The following IGSF9B variants were observed in gnomAD, a reference collection of about 807,000 sequenced individuals.
IGSF9B encodes the protein protein turtle homolog B.
Under a neutral mutation model 143.7 loss-of-function variants are expected in IGSF9B, and 48 were observed. That is an observed-to-expected ratio of 0.33 (90% CI 0.26 to 0.42). IGSF9B has a LOEUF of 0.42. Among genes scored for constraint, IGSF9B ranks in the 20% least tolerant of loss-of-function variants. IGSF9B has a pLI of 1.00. For synonymous variants in IGSF9B, 903 were observed against 833.1 expected, an observed-to-expected ratio of 1.08 and a Z score of -1.44; for missense variants, 1,706 against 1,980.0, an observed-to-expected ratio of 0.86 and a Z score of 2.63.
rs1021328365 is a variant in IGSF9B at position 133,931,603 on chromosome 11, C to T, written c.1252-34G>A. The T allele has an allele frequency of 1.1e-5, 18 of 1,609,378 alleles. No homozygotes were observed. Among genetic ancestry groups the T allele is most frequent in the South Asian group, 5.5e-5 (5 of 90,826 alleles). On this transcript the variant is annotated intron_variant, in intron 9 of 19. Transcript: ENST00000533871. The surrounding 1 kb of genome is among the most constrained non-coding windows in gnomAD (Gnocchi z 7.7). ...GAAAGCACAGGCACCCTCGTGAGGCCGGGGATCCAGGTGCCCAGCTCATGG... is the reference window on the plus strand; with the variant it reads ...GAAAGCACAGGCACCCTCGTGAGGCTGGGGATCCAGGTGCCCAGCTCATGG...
intron 18 of IGSF9B, among the ~76,000 whole-genome samples, chr11:133,915,268 CTTTT>C (rs33964936): frequency 3.5e-5 from 3 of 86,702 alleles, no homozygotes; most frequent in Admixed American, 1.3e-4. Context: ...CTCTCTCTCT[CTTTT>C]TTTTTTTTTT....
In IGSF9B at chr11:133,937,967, AAGG is replaced by A; in HGVS notation, c.410-9_410-7del. 1 of 1,612,986 alleles carries A rather than the reference AAGG, an allele frequency of 6.2e-7. No homozygotes were observed. The highest frequency in any genetic ancestry group is 1.1e-5 in the South Asian group (1 of 90,816). ...TTCTGTAAAGGTGGGAGGGGCTGCA[AAGG>A]AGACCACAAAGATGAAGGACACGCC... On this transcript the variant is annotated splice_polypyrimidine_tract_variant and splice_region_variant and intron_variant, in intron 3 of 19. Coordinates refer to ENST00000533871, the MANE Select transcript of IGSF9B (RefSeq NM_001277285.4).
At position 133,926,901 on chromosome 11, in the gene IGSF9B, A is replaced by G. The variant is rs907172034; in HGVS notation, c.1807+15T>C. On this transcript the variant is annotated intron_variant, in intron 13 of 19. Coordinates refer to ENST00000533871, the MANE Select transcript of IGSF9B (RefSeq NM_001277285.4). ...CTACAACCCCCGCTCCCAACATCCC[A>G]CCCCGGGCCCTCACCTAAAGTGTTC... 31 of 1,556,460 alleles carry G rather than the reference A, an allele frequency of 2.0e-5. No homozygotes were observed. The highest frequency in any genetic ancestry group is 2.0e-5 in the Non-Finnish European group (23 of 1,145,274).
intron 3 of IGSF9B, among the ~76,000 whole-genome samples, chr11:133,941,705 T>C (rs911907574): frequency 6.6e-6 from 1 of 152,190 alleles, no homozygotes; most frequent in Admixed American, 6.5e-5. Flanking sequence ...CTGGAGCAGA[T>C]GGTGCACCAT....
intron 18 of IGSF9B, among the ~76,000 whole-genome samples, chr11:133,918,014 G>A (rs1031122817): frequency 6.8e-6 from 1 of 147,720 alleles, no homozygotes; most frequent in Admixed American, 6.7e-5. Context: ...GAGGAGAGCC[G>A]CAGGGGGCTC....
At chr11:133,912,551 A>G (rs1283017148) in intron 18 of IGSF9B, among the ~76,000 whole-genome samples, 1 of 152,206 alleles carries the variant, frequency 6.6e-6, no homozygotes, top group Non-Finnish European at 1.5e-5. Flanking sequence ...TGCAGCTGCA[A>G]GATTCCCGCA....
At chr11:133,923,384 C>T (rs1449167354) in intron 15 of IGSF9B, among the ~76,000 whole-genome samples, 3 of 152,194 alleles carry the variant, frequency 2.0e-5, no homozygotes, top group Non-Finnish European at 4.4e-5. Flanking sequence ...ATCTCAGGTA[C>T]GGAAGTACCC....
In IGSF9B at chr11:133,932,117, G is replaced by T; in HGVS notation, c.1064C>A (p.Thr355Asn). 6.2e-7 allele frequency: 1 copy of T among 1,613,778 alleles called. No homozygotes were observed. The highest frequency in any genetic ancestry group is 8.5e-7 in the Non-Finnish European group (1 of 1,179,818). The change falls in exon 8 of 20, where the codon ACC becomes AAC. Residue 355 changes from threonine (T) to asparagine (N), a missense_variant. Physicochemically the swap from Thr to Asn is moderately conservative, Grantham distance 65. This residue lies in a region of IGSF9B where 238 missense variants were observed against 452.6 expected (regional missense o/e 0.53). Transcript: ENST00000533871. Reference protein sequence around the residue: ...RCPVDAEPPATVVKWNKDGRP... With the variant: ...RCPVDAEPPANVVKWNKDGRP... ...GCCGTCCTTGTTCCACTTGACCACG[G>T]TGGCCGGTGGTTCTGCGTCCACAGG...
At chr11:133,917,660 T>C (rs1178105644) in intron 18 of IGSF9B, among the ~76,000 whole-genome samples, 1 of 152,074 alleles carries the variant, frequency 6.6e-6, no homozygotes, top group Non-Finnish European at 1.5e-5. Flanking sequence ...CCCATAGGAC[T>C]GCAGGGACCT....
In IGSF9B at chr11:133,898,820, C is replaced by CTT. The variant is rs1939066018; in HGVS notation, c.*10248_*10249insAA. 2.0e-5 allele frequency: 3 copies of CTT among 152,292 alleles called. No homozygotes were observed. Among genetic ancestry groups the CTT allele is most frequent in the African/African-American group, 7.2e-5 (3 of 41,456 alleles). The allele number at this position is 152,292 out of a possible 1,614,324, so 9.4% of individuals were successfully genotyped here. On this transcript the variant is annotated 3_prime_UTR_variant, in exon 20 of 20. Transcript: ENST00000533871. Reference sequence around the variant, plus strand: ...CCACCCTCCAATGCCACAGGCAACCCCCTGTGGACAGGAAGTGTGTGTGCA... The same window carrying CTT: ...CCACCCTCCAATGCCACAGGCAACCCTTCCTGTGGACAGGAAGTGTGTGTGCA...
intron 17 of IGSF9B, among the ~76,000 whole-genome samples, chr11:133,921,690 G>A (rs974630954): frequency 6.6e-6 from 1 of 151,750 alleles, no homozygotes; most frequent in African/African-American, 2.4e-5. Flanking sequence ...GGTGTGAGCC[G>A]CCGCGCCCGG....
At chr11:133,954,454 G>C (rs572018459) in intron 1 of IGSF9B, among the ~76,000 whole-genome samples, 31 of 152,206 alleles carry the variant, frequency 2.0e-4, no homozygotes, top group African/African-American at 7.2e-4. Context: ...CACATTCTCA[G>C]CTCCTAGTGC....
chr11:133,914,691 C>T (rs1032399044), intron 18 of IGSF9B, among the ~76,000 whole-genome samples: 10 of 152,170 alleles, frequency 6.6e-5, no homozygotes, highest in African/African-American at 2.4e-4. Flanking sequence ...ACACCAAGAC[C>T]CTCACCCAAT....
Position 133,902,481 on chromosome 11 carries a change from A to AGAT in IGSF9B, c.*6587_*6588insATC, listed in dbSNP as rs1565409975. On this transcript the variant is annotated 3_prime_UTR_variant, in exon 20 of 20. Transcript: ENST00000533871. ...ACACACAGATACACACACCACACAC[A>AGAT]ACACACACACACACCAGACATGCAC... is the stretch of plus-strand genomic sequence containing the variant. 4.6e-5 allele frequency among the ~76,000 whole-genome samples: 3 copies of AGAT among 65,468 alleles called. No individual in the cohort carries two copies. The highest frequency in any genetic ancestry group is 8.3e-5 in the Non-Finnish European group (2 of 24,088). The allele number at this position is 65,468 out of a possible 152,430, so 42.9% of individuals were successfully genotyped here. A position where few individuals can be genotyped will look rare whatever the true frequency, so the allele number is the denominator to read the frequency against.
rs761431935 is a variant in IGSF9B at position 133,920,630 on chromosome 11, G to A, written c.3095C>T (p.Thr1032Ile). ...NSTLPLTQTPTGGRSPEPWGR... is the reference protein window; with the variant it reads ...NSTLPLTQTPIGGRSPEPWGR... ...CCAGGGCTCAGGGGAGCGCCCTCCT[G>A]TAGGTGTCTGAGTCAAGGGCAGCGT... Residue 1032 changes from threonine (T) to isoleucine (I), a missense_variant, in exon 18 of 20, where the codon ACA becomes ATA. By Grantham distance (89) the Thr-to-Ile change is moderately conservative (BLOSUM62 -1). Around this residue, in one of 7 missense-constraint regions of IGSF9B, gnomAD observed 880 missense variants for 762.9 expected, o/e 1.15. Coordinates refer to ENST00000533871, the MANE Select transcript of IGSF9B (RefSeq NM_001277285.4). The A allele has an allele frequency of 8.4e-5, 135 of 1,613,524 alleles. No individual in the cohort carries two copies. The East Asian group carries it at 2.7e-3, about 32-fold the overall frequency.
Position 133,921,122 on chromosome 11 carries a change from G to C in IGSF9B, c.2603C>G (p.Ser868Trp). 6.2e-7 allele frequency: 1 copy of C among 1,613,730 alleles called. No individual in the cohort carries two copies. Among genetic ancestry groups the C allele is most frequent in the South Asian group, 1.1e-5 (1 of 91,088 alleles). Residue 868 changes from serine to tryptophan, a missense_variant, in exon 18 of 20, where the codon TCG becomes TGG. Ser to Trp is a radical substitution (Grantham distance 177, BLOSUM62 -3). Around this residue, in one of 7 missense-constraint regions of IGSF9B, gnomAD observed 880 missense variants for 762.9 expected, o/e 1.15. Transcript: ENST00000533871. The stretch of plus-strand genomic sequence containing the variant: ...GCCCTCGATGCGCCTGCTCTTCAGC[G>C]AGGGCTCCATCTCGGCAGGGTCCAT... Reference protein sequence around the residue: ...FVMDPAEMEPSLKSRRIEGFP... With the variant: ...FVMDPAEMEPWLKSRRIEGFP...
chr11:133,934,365 G>A (rs1264480873), intron 7 of IGSF9B, among the ~76,000 whole-genome samples: 1 of 152,214 alleles, frequency 6.6e-6, no homozygotes, highest in Non-Finnish European at 1.5e-5. Flanking sequence ...CTTTGTGGTG[G>A]ACGGGTCTCT....
In IGSF9B at chr11:133,920,258, C is replaced by T. The variant is rs760958123; in HGVS notation, c.3467G>A (p.Gly1156Glu). The T allele has an allele frequency of 6.6e-7, 1 of 1,518,622 alleles. No individual in the cohort carries two copies. Among genetic ancestry groups the T allele is most frequent in the East Asian group, 2.3e-5 (1 of 43,826 alleles). 94.1% of individuals were successfully genotyped at this position (1,518,622 alleles called of 1,614,324 possible). Residue 1156 changes from glycine (G) to glutamate (E), a missense_variant, in exon 18 of 20, where the codon GGG (glycine) becomes GAG (glutamate). This residue lies in a region of IGSF9B where 880 missense variants were observed against 762.9 expected (regional missense o/e 1.15). Coordinates refer to ENST00000533871, the MANE Select transcript of IGSF9B (RefSeq NM_001277285.4). ...AAATGTGCTGGGGCCGCCGTGCGCCCCCGGCTCAGCCGGCTCGGGGTAAGG... is the reference window on the plus strand; with the variant it reads ...AAATGTGCTGGGGCCGCCGTGCGCCTCCGGCTCAGCCGGCTCGGGGTAAGG... ...VLPYPEPAEP[G>E]AHGGPSTFGL...
intron 5 of IGSF9B, among the ~76,000 whole-genome samples, chr11:133,936,769 C>G (rs1293055254): frequency 6.6e-6 from 1 of 152,228 alleles, no homozygotes; most frequent in African/African-American, 2.4e-5. Flanking sequence ...CCACAACCCC[C>G]GAGTTCCTCC....
Sources: allele counts gnomAD v4.1 joint callset (sites outside exome capture counted in the v4.1 genomes callset), GRCh38; gene constraint gnomAD v4.1.1; regional missense constraint gnomAD v4.1.1; non-coding constraint Gnocchi (gnomAD v3.1); transcripts MANE v1.5; gene names NCBI Gene and HGNC (gene_info 2026-07-23, HGNC 2026-07-21).